The following C16orf96 variants were observed in gnomAD, a reference collection of about 807,000 sequenced individuals.
The protein encoded by C16orf96 is chromosome 16 open reading frame 96.
C16orf96 carries 108 observed loss-of-function variants against 103.6 expected under a neutral mutation model. The observed-to-expected ratio is 1.04, with a 90% CI of 0.89 to 1.22. The LOEUF (loss-of-function observed/expected upper bound fraction) is 1.22. Ranked by LOEUF, C16orf96 falls within the 50% of genes most tolerant of loss-of-function variation. The probability of loss-of-function intolerance (pLI) is 0.00; values close to 1 mark genes in which losing one functional copy is unlikely to be tolerated. For synonymous variants in C16orf96, 566 were observed against 593.5 expected (o/e 0.95, Z 0.67); for missense variants, 1,586 against 1,464.2 (o/e 1.08, Z -1.36).
the C16orf96 span, among the ~76,000 whole-genome samples, chr16:4,546,403 C>G: frequency 6.6e-6 from 1 of 151,396 alleles, no homozygotes; most frequent in African/African-American, 2.4e-5. Flanking sequence ...CGTGATCTGC[C>G]TGCCTCGGCC....
intron 3 of C16orf96, 53 bp downstream of exon 3, chr16:4,574,842 C>T (rs1004173653): frequency 6.5e-7 from 1 of 1,538,076 alleles, no homozygotes; most frequent in Non-Finnish European, 8.8e-7. Context: ...CCCCCAACCT[C>T]CCGGGTCCTG....
At chr16:4,554,149 G>A (rs999614507), upstream of C16orf96, among the ~76,000 whole-genome samples, 3 of 152,066 alleles carry the variant, frequency 2.0e-5, no homozygotes, top group East Asian at 1.9e-4. Flanking sequence ...ATATCTCCAC[G>A]CAGCCTCCTG....
chr16:4,575,811 G>A lies in C16orf96; in HGVS notation c.1331G>A (p.Arg444His), dbSNP rs776564877. 96 of 1,551,030 alleles carry A rather than the reference G, an allele frequency of 6.2e-5. No individual in the cohort carries two copies. The East Asian group carries it at 9.3e-4, about 15-fold the overall frequency. Reference protein sequence around the residue: ...WPRPLQPYQSRQGEALQLAAV... With the variant: ...WPRPLQPYQSHQGEALQLAAV... ...CGACCACTCCAGCCATATCAGTCTCGCCAGGGAGAAGCCCTCCAGCTCGCA... is the reference window on the plus strand; with the variant it reads ...CGACCACTCCAGCCATATCAGTCTCACCAGGGAGAAGCCCTCCAGCTCGCA... The change falls in exon 5 of 16, where the codon CGC (arginine) becomes CAC (histidine). Residue 444 changes from arginine to histidine, a missense_variant. Coordinates refer to ENST00000444310, the MANE Select transcript of C16orf96 (RefSeq NM_001145011.2).
intron 6 of C16orf96, among the ~76,000 whole-genome samples, chr16:4,579,673 G>A (rs1026824464): frequency 9.4e-5 from 14 of 148,780 alleles, no homozygotes. Context: ...GTGCAGTGGC[G>A]TGACCTCAGC....
rs1332504775 is a variant in C16orf96 at position 4,600,355 on chromosome 16, C to T, written c.*38C>T. ...TGCGCCCCCCATCGCCAAGTCCCCT[C>T]CACGTCCGAGGCTGAGGCCCATGTG... On this transcript the variant is annotated 3_prime_UTR_variant, in exon 16 of 16. Coordinates refer to ENST00000444310, the MANE Select transcript of C16orf96 (RefSeq NM_001145011.2). The T allele has an allele frequency of 2.8e-6, 4 of 1,445,330 alleles. No individual in the cohort carries two copies. Among genetic ancestry groups the T allele is most frequent in the Non-Finnish European group, 2.8e-6 (3 of 1,059,142 alleles). 89.5% of individuals were successfully genotyped at this position (1,445,330 alleles called of 1,614,324 possible).
chr16:4,556,002 C>T (rs1268073496), upstream of C16orf96, among the ~76,000 whole-genome samples: 1 of 152,090 alleles, frequency 6.6e-6, no homozygotes, highest in African/African-American at 2.4e-5. Flanking sequence ...ACCCACCCAG[C>T]CAGTACTTCA....
chr16:4,556,705 C>T lies in C16orf96; in HGVS notation c.216C>T (p.Asn72=). 6.4e-7 allele frequency: 1 copy of T among 1,551,696 alleles called. No individual in the cohort carries two copies. The highest frequency in any genetic ancestry group is 8.7e-7 in the Non-Finnish European group (1 of 1,146,984). Residue 72 remains asparagine (N), a synonymous_variant, in exon 1 of 16, where the codon AAC becomes AAT. Transcript: ENST00000444310. ...PREGDAQPIL[N]PMKRLSNVFD... ...AAGGAGACGCCCAGCCTATCCTCAA[C>T]CCCATGAAGAGGCTCAGCAATGTCT...
chr16:4,586,850 G>A (rs753725826), intron 7 of C16orf96, among the ~76,000 whole-genome samples, 189 bp from the exon 8 acceptor site: 6 of 152,174 alleles, frequency 3.9e-5, no homozygotes, highest in African/African-American at 1.2e-4. Flanking sequence ...CAAGTCGCAC[G>A]TTCCTTCCCT....
chr16:4,593,463 C>A lies in C16orf96; in HGVS notation c.2867+147C>A. On this transcript the variant is annotated intron_variant, in intron 12 of 15. Coordinates refer to ENST00000444310, the MANE Select transcript of C16orf96 (RefSeq NM_001145011.2). This position sits in a 1 kb window ranked among gnomAD's most constrained non-coding sequence, Gnocchi z 4.2. The stretch of plus-strand genomic sequence containing the variant: ...TGGCCAGCCCTTCGCAAGACAGGCA[C>A]TCCGAGAGGTGGCTGGGGCGGCAGA... 2 of 748,500 alleles carry A rather than the reference C, an allele frequency of 2.7e-6. No individual in the cohort carries two copies. The highest frequency in any genetic ancestry group is 2.2e-6 in the Non-Finnish European group (1 of 461,666). The allele number at this position is 748,500 out of a possible 1,614,324, so 46.4% of individuals were successfully genotyped here. A position where few individuals can be genotyped will look rare whatever the true frequency, so the allele number is the denominator to read the frequency against.
the C16orf96 span, among the ~76,000 whole-genome samples, chr16:4,546,123 C>T: frequency 6.6e-6 from 1 of 151,382 alleles, no homozygotes; most frequent in Non-Finnish European, 1.5e-5. Flanking sequence ...ACGGGGATTA[C>T]AGGAATGAGC....
At position 4,580,017 on chromosome 16, in the gene C16orf96, G is replaced by C. The variant is rs1319424852; in HGVS notation, c.2244G>C (p.Glu748Asp). ...GTGTCTGTGTCTCCCCCTTTTAGGAGGAAGAACTTGAGAGAATTTGGGGCA... is the reference window on the plus strand; with the variant it reads ...GTGTCTGTGTCTCCCCCTTTTAGGACGAAGAACTTGAGAGAATTTGGGGCA... ...IGSLQKSRLK[E>D]EELERIWGNQ... Residue 748 changes from glutamate to aspartate, a missense_variant and splice_region_variant, in exon 7 of 16, where the codon GAG (glutamate) becomes GAC (aspartate). Transcript: ENST00000444310. The C allele has an allele frequency of 2.6e-6, 4 of 1,551,072 alleles. No individual in the cohort carries two copies. Among genetic ancestry groups the C allele is most frequent in the African/African-American group, 1.4e-5 (1 of 73,134 alleles).
At chr16:4,570,581 C>T (rs1323098777) in intron 1 of C16orf96, among the ~76,000 whole-genome samples, 2 of 151,588 alleles carry the variant, frequency 1.3e-5, no homozygotes, top group African/African-American at 4.8e-5. Flanking sequence ...TCTCCTGCCC[C>T]ATCCTCCTGA....
intron 1 of C16orf96, among the ~76,000 whole-genome samples, chr16:4,565,782 C>A (rs1333972986): frequency 6.6e-6 from 1 of 152,210 alleles, no homozygotes; most frequent in Non-Finnish European, 1.5e-5. Context: ...AGCCACCACA[C>A]CCAGCCTCGT....
intron 7 of C16orf96, among the ~76,000 whole-genome samples, chr16:4,586,144 C>T (rs904309389): frequency 1.3e-5 from 2 of 152,122 alleles, no homozygotes; most frequent in Non-Finnish European, 2.9e-5. Flanking sequence ...TCAGTGACCC[C>T]AACTACTCGG....
At chr16:4,551,148 TA>T in the C16orf96 span, among the ~76,000 whole-genome samples, 8 of 152,134 alleles carry the variant, frequency 5.3e-5, no homozygotes, top group African/African-American at 1.9e-4. Flanking sequence ...GTTGCACACC[TA>T]TGGTTTTAGC....
intron 5 of C16orf96, among the ~76,000 whole-genome samples, chr16:4,578,672 T>C (rs1684614): frequency 0.96 from 146,059 of 152,158 alleles, 70,362 homozygotes; most frequent in East Asian, 1. Context: ...GCAGGAGAAT[T>C]GCTTAAACCC....
chr16:4,556,496 T>C lies in C16orf96; in HGVS notation c.7T>C (p.Phe3Leu). The change falls in exon 1 of 16, where the codon TTC becomes CTC. Residue 3 changes from phenylalanine (F) to leucine (L), a missense_variant. By Grantham distance (22) the Phe-to-Leu change is conservative (BLOSUM62 0). Coordinates refer to ENST00000444310, the MANE Select transcript of C16orf96 (RefSeq NM_001145011.2). MS[F>L]SLTFTELANI... ...ACTGACCCACCCTGGCAGGATGAGC[T>C]TCTCACTCACGTTCACCGAGCTGGC... 6.6e-7 allele frequency: 1 copy of C among 1,526,190 alleles called. No individual in the cohort carries two copies. The highest frequency in any genetic ancestry group is 8.9e-7 in the Non-Finnish European group (1 of 1,129,530). The allele number at this position is 1,526,190 out of a possible 1,614,324, so 94.5% of individuals were successfully genotyped here.
chr16:4,567,898 A>G (rs1005278606), intron 1 of C16orf96, among the ~76,000 whole-genome samples: 9 of 151,080 alleles, frequency 6.0e-5, no homozygotes, highest in African/African-American at 1.9e-4. Context: ...GGGTTTCACC[A>G]TGTTGGCCAG....
In C16orf96 at chr16:4,556,454, C is replaced by A. The variant is rs2059262845; in HGVS notation, c.-36C>A. The A allele has an allele frequency of 6.7e-7, 1 of 1,489,392 alleles. No homozygotes were observed. 92.3% of individuals were successfully genotyped at this position (1,489,392 alleles called of 1,614,324 possible). Reference sequence around the variant, plus strand: ...AAGCTACCCCTTGTCCTTGAGGACACCTGGAACCCCAGCCCCACTGACCCA... The same window carrying A: ...AAGCTACCCCTTGTCCTTGAGGACAACTGGAACCCCAGCCCCACTGACCCA... On this transcript the variant is annotated 5_prime_UTR_variant, in exon 1 of 16. Coordinates refer to ENST00000444310, the MANE Select transcript of C16orf96 (RefSeq NM_001145011.2).
Sources: gnomAD v4.1 joint callset for allele counts (sites outside exome capture counted in the v4.1 genomes callset) on GRCh38, gnomAD v4.1.1 for gene constraint, Gnocchi (gnomAD v3.1) non-coding constraint, MANE v1.5 for transcripts, NCBI Gene and HGNC (gene_info 2026-07-23, HGNC 2026-07-21) for gene names.